Variants in KIAA0319L observed in about 807,000 individuals in gnomAD.
The protein encoded by KIAA0319L is dyslexia-associated protein KIAA0319-like protein.
In KIAA0319L, 55 loss-of-function variants were observed where a neutral mutation model predicts 120.1. The observed-to-expected ratio is 0.46, with a 90% confidence interval of 0.37 to 0.57. The LOEUF (loss-of-function observed/expected upper bound fraction) is 0.57. Among genes scored for constraint, KIAA0319L ranks in the 20% least tolerant of loss-of-function variants. The pLI, the probability that KIAA0319L is intolerant of heterozygous loss-of-function variation, is 0.00. For synonymous variants in KIAA0319L, 398 were observed against 471.9 expected, an observed-to-expected ratio of 0.84 and a Z score of 2.03; for missense variants, 1,049 against 1,255.3, an observed-to-expected ratio of 0.84 and a Z score of 2.48.
intron 4 of KIAA0319L, 118 bp downstream of exon 4, chr1:35,478,848 T>C: frequency 8.0e-7 from 1 of 1,247,580 alleles, no homozygotes; most frequent in Non-Finnish European, 1.1e-6. Flanking sequence ...GACAGAGTTA[T>C]TTTTTCTCTA....
chr1:35,517,493 G>A (rs1768552), intron 2 of KIAA0319L, among the ~76,000 whole-genome samples: 12 of 152,050 alleles, frequency 7.9e-5, no homozygotes, highest in Non-Finnish European at 1.5e-4. Flanking sequence ...ATGGTGCTGG[G>A]ATAACTGGCT....
chr1:35,482,169 T>C (rs1010596252), intron 3 of KIAA0319L, among the ~76,000 whole-genome samples: 9 of 152,018 alleles, frequency 5.9e-5, no homozygotes, highest in Admixed American at 3.3e-4. Context: ...GTTCTATAAA[T>C]GGAATCACAA....
intron 2 of KIAA0319L, among the ~76,000 whole-genome samples, chr1:35,548,890 G>A (rs577241110): frequency 4.6e-5 from 7 of 152,210 alleles, no homozygotes; most frequent in Non-Finnish European, 8.8e-5. Flanking sequence ...CCCATTGCAT[G>A]GGAATACCCT....
chr1:35,447,237 T>TAA (rs34645390), intron 16 of KIAA0319L, among the ~76,000 whole-genome samples: 86 of 138,062 alleles, frequency 6.2e-4, no homozygotes, highest in East Asian at 4.9e-3. Context: ...GATCTTTCTT[T>TAA]AAAAAAAAAA....
At chr1:35,537,997 G>A (rs1646647189) in intron 2 of KIAA0319L, among the ~76,000 whole-genome samples, 1 of 152,152 alleles carries the variant, frequency 6.6e-6, no homozygotes, top group Non-Finnish European at 1.5e-5. Context: ...CTGGGAGGAG[G>A]AGGTTCAAAG....
chr1:35,500,632 T>A (rs1644971282), intron 3 of KIAA0319L, among the ~76,000 whole-genome samples: 1 of 152,250 alleles, frequency 6.6e-6, no homozygotes, highest in African/African-American at 2.4e-5. Flanking sequence ...CCACTTTGGA[T>A]GCAGAGTTGC....
chr1:35,477,502 C>T (rs1002310515), intron 4 of KIAA0319L, among the ~76,000 whole-genome samples: 2 of 151,986 alleles, frequency 1.3e-5, no homozygotes, highest in Non-Finnish European at 2.9e-5. Flanking sequence ...CGCATCTCTA[C>T]TAAAAATACA....
intron 3 of KIAA0319L, among the ~76,000 whole-genome samples, chr1:35,486,623 C>T (rs1475925049): frequency 6.7e-6 from 1 of 149,978 alleles, no homozygotes; most frequent in African/African-American, 2.5e-5. Context: ...TTTTCTGGCC[C>T]GATACAGTAG....
At chr1:35,480,016 G>C in intron 3 of KIAA0319L, among the ~76,000 whole-genome samples, 1 of 131,510 alleles carries the variant, frequency 7.6e-6, no homozygotes, top group South Asian at 2.5e-4. Flanking sequence ...GAGGGAGAAA[G>C]AGTATGGAAA....
chr1:35,500,140 C>CT (rs2148381754), intron 3 of KIAA0319L, among the ~76,000 whole-genome samples: 1 of 152,296 alleles, frequency 6.6e-6, no homozygotes, highest in African/African-American at 2.4e-5. Flanking sequence ...TTCAGTCTTC[C>CT]TACAGTCAAA....
chr1:35,551,571 G>A (rs1439420767), intron 2 of KIAA0319L, among the ~76,000 whole-genome samples: 2 of 151,936 alleles, frequency 1.3e-5, no homozygotes, highest in African/African-American at 2.4e-5. Flanking sequence ...CACCCGCCTC[G>A]GCCTCCCAAG....
At chr1:35,500,141 T>TA (rs1271733271) in intron 3 of KIAA0319L, among the ~76,000 whole-genome samples, 17 of 152,356 alleles carry the variant, frequency 1.1e-4, no homozygotes, top group African/African-American at 4.1e-4. Flanking sequence ...TCAGTCTTCC[T>TA]ACAGTCAAAC....
At chr1:35,549,454 G>T (rs1647116156) in intron 2 of KIAA0319L, among the ~76,000 whole-genome samples, 1 of 152,102 alleles carries the variant, frequency 6.6e-6, no homozygotes, top group Non-Finnish European at 1.5e-5. Context: ...TCAAAAAATG[G>T]TTCTGAATTG....
intron 2 of KIAA0319L, among the ~76,000 whole-genome samples, chr1:35,550,291 AGTTTTTCAG>A (rs1647151672): frequency 6.6e-6 from 1 of 152,232 alleles, no homozygotes; most frequent in African/African-American, 2.4e-5. Context: ...TAATTTGGTT[AGTTTTTCAG>A]AAATAATCCA....
chr1:35,543,644 G>C (rs1571020152), intron 2 of KIAA0319L, among the ~76,000 whole-genome samples: 1 of 152,238 alleles, frequency 6.6e-6, no homozygotes, highest in East Asian at 1.9e-4. Flanking sequence ...CGAGGCAAGT[G>C]AGGGCAAGGC....
intron 3 of KIAA0319L, among the ~76,000 whole-genome samples, chr1:35,488,584 G>A (rs943736637): frequency 3.3e-5 from 5 of 152,138 alleles, no homozygotes; most frequent in African/African-American, 9.7e-5. Context: ...GATGAACTAC[G>A]ACAGGAAGAA....
At chr1:35,496,790 T>C (rs1349162825) in intron 3 of KIAA0319L, among the ~76,000 whole-genome samples, 2 of 151,686 alleles carry the variant, frequency 1.3e-5, no homozygotes, top group African/African-American at 2.4e-5. Flanking sequence ...CTTTAAAAAA[T>C]ACAAAAATTA....
intron 2 of KIAA0319L, among the ~76,000 whole-genome samples, chr1:35,534,720 G>A (rs977310623): frequency 5.9e-5 from 9 of 151,652 alleles, no homozygotes; most frequent in Non-Finnish European, 1.2e-4. Context: ...TTAGCCGGGC[G>A]TGGTGGCAGG....
At chr1:35,484,639 T>C (rs1042285340) in intron 3 of KIAA0319L, among the ~76,000 whole-genome samples, 12 of 151,696 alleles carry the variant, frequency 7.9e-5, no homozygotes, top group Non-Finnish European at 1.5e-4. Flanking sequence ...TTTCTTTTTC[T>C]TGCATTATAA....
Sources: gnomAD v4.1 joint callset for allele counts (sites outside exome capture counted in the v4.1 genomes callset) on GRCh38, gnomAD v4.1.1 for gene constraint, MANE v1.5 for transcripts, NCBI Gene and HGNC (gene_info 2026-07-23, HGNC 2026-07-21) for gene names.